DYM: variants seen among roughly 807,000 people sequenced by gnomAD.
DYM encodes the protein dyggve-Melchior-Clausen syndrome protein.
In DYM, 78 loss-of-function variants were observed where a neutral mutation model predicts 93.1. The ratio of observed to expected loss-of-function variants is 0.84; its 90% CI spans 0.70 to 1.01. DYM has a LOEUF of 1.01. Among genes scored for constraint, DYM ranks in the 50% least tolerant of loss-of-function variants. The probability of loss-of-function intolerance (pLI) is 0.00; values close to 1 mark genes in which losing one functional copy is unlikely to be tolerated. For synonymous variants in DYM, 321 were observed against 319.7 expected (o/e 1.00, Z -0.04); for missense variants, 789 against 845.0 (o/e 0.93, Z 0.82).
At chr18:49,087,410 A>G (rs1444426654) in intron 17 of DYM, among the ~76,000 whole-genome samples, 1 of 152,240 alleles carries the variant, frequency 6.6e-6, no homozygotes. Flanking sequence ...TCCATTGCAA[A>G]GAATAAAACT....
intron 5 of DYM, among the ~76,000 whole-genome samples, chr18:49,377,615 A>G (rs1030541767): frequency 8.5e-5 from 13 of 152,164 alleles, no homozygotes; most frequent in Non-Finnish European, 5.9e-5. Context: ...TTTAAGAAAT[A>G]TTCCCCATAG....
intron 14 of DYM, among the ~76,000 whole-genome samples, chr18:49,171,102 G>C (rs2088656293): frequency 1.3e-5 from 2 of 152,224 alleles, no homozygotes; most frequent in South Asian, 4.1e-4. Context: ...TCAGAGGGGA[G>C]GAGGAGGCGG....
chr18:49,339,230 A>G (rs151284501), intron 6 of DYM, among the ~76,000 whole-genome samples: 311 of 152,368 alleles, frequency 2.0e-3, no homozygotes, highest in Middle Eastern at 6.8e-3. Context: ...TCACACAGAC[A>G]CACAGACACA....
chr18:49,278,565 C>T (rs148249130), intron 10 of DYM, among the ~76,000 whole-genome samples: 37 of 152,168 alleles, frequency 2.4e-4, no homozygotes, highest in African/African-American at 8.7e-4. Context: ...TGCCTCCTCC[C>T]ATAGTCATTG....
intron 8 of DYM, among the ~76,000 whole-genome samples, chr18:49,317,886 G>A (rs111341252): frequency 0.011 from 1,618 of 151,896 alleles, 28 homozygotes; most frequent in African/African-American, 0.037. Context: ...CTAATGCACT[G>A]AGGGTGCAGG....
chr18:49,236,997 A>G (rs770801942), intron 13 of DYM, among the ~76,000 whole-genome samples: 4 of 152,156 alleles, frequency 2.6e-5, no homozygotes, highest in Admixed American at 1.3e-4. Flanking sequence ...TACCCTCTTG[A>G]AGAGAGAAAC....
chr18:49,217,972 C>G (rs1054239059), intron 13 of DYM, among the ~76,000 whole-genome samples: 5 of 152,046 alleles, frequency 3.3e-5, no homozygotes, highest in East Asian at 1.9e-4. Flanking sequence ...ATTGGATAAA[C>G]GGTCAAGACC....
In DYM at chr18:49,351,485, A is replaced by C. The variant is rs180812080; in HGVS notation, c.494+11676T>G. Among the ~76,000 whole-genome samples the C allele has an allele frequency of 3.3e-3, 495 of 152,284 alleles. 8 individuals are homozygous for C. The highest frequency in any genetic ancestry group is 0.011 in the African/African-American group (466 of 41,560). ...AAGAACAAATATTTACTGACTAATA[A>C]GCAGTTCCATCAATGAAAAAATATC... On this transcript the variant is annotated intron_variant, in intron 6 of 17. Coordinates refer to ENST00000675505, the MANE Select transcript of DYM (RefSeq NM_001353214.3).
chr18:49,062,768 C>G (rs2076083969), intron 17 of DYM, among the ~76,000 whole-genome samples: 1 of 152,220 alleles, frequency 6.6e-6, no homozygotes, highest in Non-Finnish European at 1.5e-5. Context: ...GGGTCACCCT[C>G]TTTACAAAGT....
intron 13 of DYM, among the ~76,000 whole-genome samples, chr18:49,243,508 T>C (rs977903141): frequency 6.6e-6 from 1 of 151,724 alleles, no homozygotes; most frequent in Non-Finnish European, 1.5e-5. Flanking sequence ...CTACTAAAAA[T>C]GCAAAAGTTA....
rs146000214 is a variant in DYM, at chr18:49,097,484, T to C, written c.1943A>G (p.Gln648Arg). Residue 648 changes from glutamine to arginine, a missense_variant, in exon 17 of 18, where the codon CAA becomes CGA. Gln to Arg is a conservative substitution (Grantham distance 43). Coordinates refer to ENST00000675505, the MANE Select transcript of DYM (RefSeq NM_001353214.3). ...VISFFSSRLL[Q>R]AGAELSVERV... ...TTCCACTGACAGCTCAGCTCCAGCT[T>C]GCAGCAACCTTGAGCTAAAGAAGGA... 5.3e-4 allele frequency: 862 copies of C among 1,614,046 alleles called. 1 individual carries two copies. The Middle Eastern group carries it at 9.7e-3, about 18-fold the overall frequency.
chr18:49,165,569 G>A (rs2087760502), intron 14 of DYM, among the ~76,000 whole-genome samples: 1 of 151,958 alleles, frequency 6.6e-6, no homozygotes, highest in African/African-American at 2.4e-5. Context: ...TGTAGATTAA[G>A]TTTCAACTCA....
At chr18:49,066,912 C>T (rs1439323214) in intron 17 of DYM, among the ~76,000 whole-genome samples, 2 of 152,282 alleles carry the variant, frequency 1.3e-5, no homozygotes, top group Admixed American at 6.5e-5. Context: ...AAGATACATG[C>T]AGTGTGTGTC....
chr18:49,133,530 T>C (rs2083563250), intron 15 of DYM, among the ~76,000 whole-genome samples: 1 of 152,184 alleles, frequency 6.6e-6, no homozygotes, highest in Non-Finnish European at 1.5e-5. Context: ...AGGGAGAGAA[T>C]CTCTTCTGAG....
At chr18:49,149,738 C>T (rs979011200) in intron 15 of DYM, among the ~76,000 whole-genome samples, 2 of 119,058 alleles carry the variant, frequency 1.7e-5, no homozygotes, top group African/African-American at 3.2e-5. Flanking sequence ...GATGGAATCT[C>T]GCTCTGTCAC....
intron 14 of DYM, chr18:49,208,901 C>T (rs1441731856): frequency 2.0e-5 from 3 of 152,098 alleles, no homozygotes; most frequent in Non-Finnish European, 4.4e-5. Flanking sequence ...ACGATAAACA[C>T]AAAACAGCAG....
intron 17 of DYM, among the ~76,000 whole-genome samples, chr18:49,069,751 C>T (rs2076737351): frequency 6.6e-6 from 1 of 152,090 alleles, no homozygotes; most frequent in African/African-American, 2.4e-5. Context: ...CTTATTAAAA[C>T]TGTGTATTGG....
chr18:49,247,870 T>C (rs2094204508), intron 13 of DYM, among the ~76,000 whole-genome samples: 2 of 152,198 alleles, frequency 1.3e-5, no homozygotes, highest in Admixed American at 6.5e-5. Context: ...AAGAAAGGAC[T>C]AAACTAAAAA....
At chr18:49,114,079 G>GACATAAAGCCCCCTGCAATA (rs1452391081) in intron 16 of DYM, among the ~76,000 whole-genome samples, 1 of 152,150 alleles carries the variant, frequency 6.6e-6, no homozygotes, top group East Asian at 1.9e-4. Flanking sequence ...AAGGGCCAAT[G>GACATAAAGCCCCCTGCAATA]ACATAAAGCC....
Sources: allele counts gnomAD v4.1 joint callset (sites outside exome capture counted in the v4.1 genomes callset), GRCh38; gene constraint gnomAD v4.1.1; transcripts MANE v1.5; gene names NCBI Gene and HGNC (gene_info 2026-07-23, HGNC 2026-07-21).